Variants in CYP3A7 observed in about 807,000 individuals in gnomAD.
The protein encoded by CYP3A7 is cytochrome P450 family 3 subfamily A member 7.
Under a neutral mutation model 55.2 loss-of-function variants are expected in CYP3A7, and 45 were observed. The observed-to-expected ratio is 0.82, with a 90% CI of 0.64 to 1.05. The LOEUF is 1.05. Among genes scored for constraint, CYP3A7 ranks in the 50% least tolerant of loss-of-function variants. The pLI is 0.00. For synonymous variants in CYP3A7, 180 were observed against 207.4 expected (o/e 0.87, Z 1.13); for missense variants, 548 against 605.3 (o/e 0.91, Z 0.99).
In CYP3A7 at chr7:99,717,629, G is replaced by A. The variant is rs1238866064; in HGVS notation, c.329C>T (p.Pro110Leu). Reference sequence around the variant, plus strand: ...GATGGCATTTTTCATAAATCCCACTGGCCCGAAAGGCTAGAGTTCAAAGCA... The same window carrying A: ...GATGGCATTTTTCATAAATCCCACTAGCCCGAAAGGCTAGAGTTCAAAGCA... ...SVFTNRRPFG[P>L]VGFMKNAISI... The change falls in exon 5 of 13, where the codon CCA becomes CTA. Residue 110 changes from proline (P) to leucine (L), a missense_variant. By Grantham distance (98) the Pro-to-Leu change is moderately conservative. Coordinates refer to ENST00000336374, the MANE Select transcript of CYP3A7 (RefSeq NM_000765.5). 7 of 1,613,358 alleles carry A rather than the reference G, an allele frequency of 4.3e-6. No individual in the cohort carries two copies. The highest frequency in any genetic ancestry group is 5.9e-6 in the Non-Finnish European group (7 of 1,179,680).
At chr7:99,706,440 T>C (rs184148017) in intron 12 of CYP3A7, among the ~76,000 whole-genome samples, 1 of 152,294 alleles carries the variant, frequency 6.6e-6, no homozygotes, top group African/African-American at 2.4e-5. Context: ...AAGCCACAAA[T>C]AATGTGGAAT....
At chr7:99,712,242 A>G (rs1390352318) in intron 9 of CYP3A7, among the ~76,000 whole-genome samples, 1 of 152,198 alleles carries the variant, frequency 6.6e-6, no homozygotes, top group Admixed American at 6.5e-5. Context: ...GAGTGTGAGA[A>G]ATGTCAACAG....
chr7:99,725,032 T>C (rs1814354806), intron 2 of CYP3A7, among the ~76,000 whole-genome samples: 1 of 152,076 alleles, frequency 6.6e-6, no homozygotes, highest in Non-Finnish European at 1.5e-5. Context: ...AGCATCCCCA[T>C]TGGCAGTACA....
chr7:99,728,250 AG>A (rs994905557), intron 2 of CYP3A7, among the ~76,000 whole-genome samples: 7 of 152,172 alleles, frequency 4.6e-5, no homozygotes, highest in African/African-American at 1.7e-4. Flanking sequence ...ACAAGCAACT[AG>A]CCCCCTCCTA....
At position 99,714,578 on chromosome 7, in the gene CYP3A7, C is replaced by A. The variant is rs1489712029; in HGVS notation, c.775G>T (p.Gly259Cys). 1.2e-6 allele frequency: 2 copies of A among 1,612,708 alleles called. No individual in the cohort carries two copies. The highest frequency in any genetic ancestry group is 4.5e-5 in the East Asian group (2 of 44,764). The change falls in exon 8 of 13, where the codon GGT (glycine) becomes TGT (cysteine). Residue 259 changes from glycine (G) to cysteine (C), a missense_variant. Gly to Cys is a radical substitution (Grantham distance 159). Coordinates refer to ENST00000336374, the MANE Select transcript of CYP3A7 (RefSeq NM_000765.5). ...ACCTTTTGTGTCTCTTTGAGGCGAC[C>A]TTCTTTTATCTGTTTTACAGATTTT... ...LTKSVKQIKE[G>C]RLKETQKHRV...
At position 99,715,741 on chromosome 7, in the gene CYP3A7, A is replaced by C; in HGVS notation, c.670+17T>G. ...TTTAAGAGAGAGGGAGAGAAAAGGA[A>C]ATAGTAGTCCACATACTTATTGAGA... On this transcript the variant is annotated intron_variant, in intron 7 of 12. Transcript: ENST00000336374. The C allele has an allele frequency of 6.2e-7, 1 of 1,613,638 alleles. No individual in the cohort carries two copies. Among genetic ancestry groups the C allele is most frequent in the Non-Finnish European group, 8.5e-7 (1 of 1,179,658 alleles).
chr7:99,720,213 C>T (rs1440151392), intron 4 of CYP3A7, 100 bp downstream of exon 4: 4 of 1,463,076 alleles, frequency 2.7e-6, no homozygotes, highest in Non-Finnish European at 2.8e-6. Context: ...TGGAACCTTC[C>T]TGCACAGTTT....
At chr7:99,721,729 C>G (rs1814204818) in intron 3 of CYP3A7, among the ~76,000 whole-genome samples, 1 of 148,384 alleles carries the variant, frequency 6.7e-6, no homozygotes, top group Admixed American at 6.7e-5. Context: ...TTGTGAGAAC[C>G]AAAATTATGA....
At chr7:99,721,269 A>G (rs1814189818) in intron 3 of CYP3A7, among the ~76,000 whole-genome samples, 1 of 152,236 alleles carries the variant, frequency 6.6e-6, no homozygotes, top group South Asian at 2.1e-4. Context: ...GTTAATAATA[A>G]AACAGAATGA....
chr7:99,727,271 G>T (rs1175585745), intron 2 of CYP3A7, among the ~76,000 whole-genome samples: 1 of 152,176 alleles, frequency 6.6e-6, no homozygotes, highest in Non-Finnish European at 1.5e-5. Context: ...TTTTAGGCTG[G>T]TCATCATGTC....
At position 99,717,540 on chromosome 7, in the gene CYP3A7, C is replaced by A; in HGVS notation, c.418G>T (p.Gly140Ter). The A allele has an allele frequency of 6.2e-7, 1 of 1,613,580 alleles. No individual in the cohort carries two copies. Among genetic ancestry groups the A allele is most frequent in the South Asian group, 1.1e-5 (1 of 91,070 alleles). ...TATTTTCATACCTCCTTGAGTTTTC[C>A]GCTGGTGAATGTTGGAGACAGCAAT... is the stretch of plus-strand genomic sequence containing the variant. ...RSLLSPTFTS[G>*]KLKEMVPIIA... Residue 140 changes from glycine to a stop codon, truncating the protein, a stop_gained, in exon 5 of 13, where the codon GGA becomes TGA. Coordinates refer to ENST00000336374, the MANE Select transcript of CYP3A7 (RefSeq NM_000765.5). LOFTEE classifies it high-confidence loss of function.
chr7:99,726,387 T>C (rs1237935041), intron 2 of CYP3A7, among the ~76,000 whole-genome samples: 1 of 152,242 alleles, frequency 6.6e-6, no homozygotes, highest in East Asian at 1.9e-4. Flanking sequence ...CAGACAAGTC[T>C]TACAGGTTTG....
intron 3 of CYP3A7, among the ~76,000 whole-genome samples, chr7:99,721,951 A>C (rs1814217105): frequency 6.6e-6 from 1 of 152,228 alleles, no homozygotes; most frequent in South Asian, 2.1e-4. Context: ...CCTGCCCAGC[A>C]ACTGCCTGTC....
chr7:99,710,507 A>G (rs888577520), intron 10 of CYP3A7, among the ~76,000 whole-genome samples: 2 of 152,216 alleles, frequency 1.3e-5, no homozygotes, highest in African/African-American at 4.8e-5. Flanking sequence ...GTGGTAACAG[A>G]AAGCAGATGA....
intron 9 of CYP3A7, among the ~76,000 whole-genome samples, chr7:99,712,145 G>A (rs1194115104): frequency 6.6e-6 from 1 of 152,112 alleles, no homozygotes; most frequent in African/African-American, 2.4e-5. Context: ...ATCAGGACTG[G>A]ATTAGGACAT....
intron 2 of CYP3A7, 140 bp from the exon 3 acceptor site, chr7:99,722,488 G>A (rs1389779122): frequency 2.9e-6 from 3 of 1,049,314 alleles, no homozygotes; most frequent in Non-Finnish European, 4.1e-6. Flanking sequence ...GATGTCATAA[G>A]AGAAAGGAAA....
At chr7:99,725,575 C>G (rs540935758) in intron 2 of CYP3A7, among the ~76,000 whole-genome samples, 2 of 152,228 alleles carry the variant, frequency 1.3e-5, no homozygotes, top group Non-Finnish European at 2.9e-5. Flanking sequence ...CCTCAGAAGG[C>G]CCACAGCCTG....
intron 3 of CYP3A7, 53 bp downstream of exon 3, chr7:99,722,243 G>A: frequency 1.2e-6 from 2 of 1,608,164 alleles, no homozygotes; most frequent in East Asian, 2.2e-5. Context: ...GTGCAGTGGG[G>A]TAAACTCATC....
chr7:99,722,726 G>T (rs45622537), intron 2 of CYP3A7, among the ~76,000 whole-genome samples: 2 of 152,166 alleles, frequency 1.3e-5, no homozygotes, highest in Non-Finnish European at 2.9e-5. Flanking sequence ...GTGAGTGAGC[G>T]CCAGAAGGGA....
Sources: gnomAD v4.1 joint callset for allele counts (sites outside exome capture counted in the v4.1 genomes callset) on GRCh38, gnomAD v4.1.1 for gene constraint, MANE v1.5 for transcripts, NCBI Gene and HGNC (gene_info 2026-07-23, HGNC 2026-07-21) for gene names.